The following MAGOHB variants were observed in gnomAD, a reference collection of about 807,000 sequenced individuals.
MAGOHB encodes protein mago nashi homolog 2.
In MAGOHB, 15 loss-of-function variants were observed where a neutral mutation model predicts 20.9. The observed-to-expected ratio is 0.72, with a 90% CI of 0.48 to 1.11. The LOEUF (loss-of-function observed/expected upper bound fraction) is 1.11. MAGOHB is among the 50% of genes least tolerant of loss of function. The pLI is 0.00. For synonymous variants in MAGOHB, 50 were observed against 57.9 expected, an observed-to-expected ratio of 0.86 and a Z score of 0.62; for missense variants, 162 against 177.6, an observed-to-expected ratio of 0.91 and a Z score of 0.50.
At position 10,613,445 on chromosome 12, in the gene MAGOHB, G is replaced by A. The variant is rs1385828630; in HGVS notation, c.88C>T (p.Pro30Ser). ...GCCGTGGGCCTCTTCTCACCGTCCG[G>A]CCGAAATTCGAACTCCAGAAACTCG... is the stretch of plus-strand genomic sequence containing the variant. ...GHEFLEFEFR[P>S]DGKLRYANNS... Residue 30 changes from proline to serine, a missense_variant, in exon 1 of 5, where the codon CCG becomes TCG. By Grantham distance (74) the Pro-to-Ser change is moderately conservative. Coordinates refer to ENST00000320756, the MANE Select transcript of MAGOHB (RefSeq NM_018048.5). The A allele has an allele frequency of 1.2e-5, 20 of 1,613,882 alleles. No homozygotes were observed. In the East Asian group the frequency reaches 4.5e-4, roughly 36 times the overall value.
chr12:10,609,278 A>G (rs1865682046), intron 3 of MAGOHB: 2 of 364,116 alleles, frequency 5.5e-6, no homozygotes, highest in Admixed American at 3.6e-5. Context: ...TGTTGAAGGA[A>G]TTTCTCCAAG....
chr12:10,603,054 T>A (rs990853302), downstream of MAGOHB, among the ~76,000 whole-genome samples: 19 of 152,198 alleles, frequency 1.2e-4, no homozygotes, highest in African/African-American at 4.6e-4. Flanking sequence ...TCCTGGCTCT[T>A]ATAGTAAAGA....
rs554963624 is a variant in MAGOHB, at chr12:10,606,031, A to G, written c.*244T>C. The stretch of plus-strand genomic sequence containing the variant: ...CTGCAACCAGGATTTGGTATGTTTT[A>G]TTAGAGCAAATTTTTAACAAAAGGT... On this transcript the variant is annotated 3_prime_UTR_variant, in exon 5 of 5. Transcript: ENST00000320756. 1 of 261,532 alleles carries G rather than the reference A, an allele frequency of 3.8e-6. No homozygotes were observed. Among genetic ancestry groups the G allele is most frequent in the South Asian group, 1.4e-4 (1 of 6,970 alleles). The allele number at this position is 261,532 out of a possible 1,614,324, so 16.2% of individuals were successfully genotyped here.
intron 1 of MAGOHB, among the ~76,000 whole-genome samples, chr12:10,611,454 T>C (rs1264870959): frequency 6.6e-6 from 1 of 152,040 alleles, no homozygotes; most frequent in Non-Finnish European, 1.5e-5. Context: ...TGACAGTCTT[T>C]GATGGCTTGG....
At chr12:10,601,651 T>C (rs1299533384), downstream of MAGOHB, among the ~76,000 whole-genome samples, 1 of 152,250 alleles carries the variant, frequency 6.6e-6, no homozygotes, top group Middle Eastern at 3.2e-3. Context: ...AGTGTCTAAC[T>C]ACAACCTGGC....
intron 2 of MAGOHB, 67 bp downstream of exon 2, chr12:10,610,555 C>T (rs1460755930): frequency 1.5e-6 from 2 of 1,348,384 alleles, no homozygotes; most frequent in Admixed American, 3.6e-5. Context: ...TCAACACAGA[C>T]TTGAAGAAAA....
At chr12:10,610,841 G>C (rs12811247) in intron 1 of MAGOHB, among the ~76,000 whole-genome samples, 161 bp from the exon 2 acceptor site, 1 of 151,910 alleles carries the variant, frequency 6.6e-6, no homozygotes, top group African/African-American at 2.4e-5. Flanking sequence ...GACAATAAAT[G>C]TTTGCTGGTT....
intron 1 of MAGOHB, among the ~76,000 whole-genome samples, chr12:10,611,534 G>T (rs1865736635): frequency 6.6e-6 from 1 of 151,710 alleles, no homozygotes; most frequent in African/African-American, 2.4e-5. Flanking sequence ...ATCACCTGAG[G>T]TCAGCAGTTA....
rs9988929 is a variant in MAGOHB, at chr12:10,605,929, A to G, written c.*346T>C. The G allele has an allele frequency of 0.45, 69,492 of 156,046 alleles. 16,473 individuals carry two copies. Among genetic ancestry groups the G allele is most frequent in the Non-Finnish European group, 0.54 (38,242 of 70,816 alleles). 9.7% of individuals were successfully genotyped at this position (156,046 alleles called of 1,614,324 possible). ...CCTAAAGTATCTTCTGTCACAGGAT[A>G]TATCTACCAGAACAATTTCTTATTA... On this transcript the variant is annotated 3_prime_UTR_variant, in exon 5 of 5. Coordinates refer to ENST00000320756, the MANE Select transcript of MAGOHB (RefSeq NM_018048.5).
chr12:10,601,301 AT>A (rs1865552853), downstream of MAGOHB, among the ~76,000 whole-genome samples: 1 of 151,066 alleles, frequency 6.6e-6, no homozygotes, highest in Non-Finnish European at 1.5e-5. Flanking sequence ...TTTCGTCCCC[AT>A]TTTACAAATG....
At chr12:10,600,037 A>G (rs907421132), downstream of MAGOHB, among the ~76,000 whole-genome samples, 17 of 152,188 alleles carry the variant, frequency 1.1e-4, no homozygotes, top group Middle Eastern at 3.4e-3. Context: ...ATGTTCTCCT[A>G]TATGTCATTA....
downstream of MAGOHB, among the ~76,000 whole-genome samples, chr12:10,603,313 CAAAAAAAA>C (rs11296285): frequency 4.0e-5 from 3 of 75,138 alleles, no homozygotes; most frequent in African/African-American, 9.3e-5. Flanking sequence ...GACTCCGTCT[CAAAAAAAA>C]AAAAAAAAAA....
chr12:10,602,114 G>C (rs1022417509), downstream of MAGOHB, among the ~76,000 whole-genome samples: 1 of 152,194 alleles, frequency 6.6e-6, no homozygotes, highest in Non-Finnish European at 1.5e-5. Flanking sequence ...CACATAGCTG[G>C]GGAGAAGGTG....
downstream of MAGOHB, among the ~76,000 whole-genome samples, chr12:10,601,341 C>T (rs895692120): frequency 2.6e-5 from 4 of 152,184 alleles, no homozygotes; most frequent in Non-Finnish European, 5.9e-5. Flanking sequence ...AGTTCATTGA[C>T]TTGCATAAGG....
Position 10,606,310 on chromosome 12 carries a change from GA to G in MAGOHB, c.411del (p.Ile139LeufsTer49). 1 of 1,571,014 alleles carries G rather than the reference GA, an allele frequency of 6.4e-7. No homozygotes were observed. The highest frequency in any genetic ancestry group is 8.7e-7 in the Non-Finnish European group (1 of 1,153,334). On this transcript the variant is annotated frameshift_variant, in exon 5 of 5. Transcript: ENST00000320756. LOFTEE classifies it high-confidence loss of function. The part of the protein sequence containing the change: ...LVQDLKCLVF[S>X]LIGLHFKIKP... Reference sequence around the variant, plus strand: ...TTAATCTTGAAGTGTAATCCAATAAGACTGAAAACTAAACATTTCAAGTCTT... The same window carrying G: ...TTAATCTTGAAGTGTAATCCAATAAGCTGAAAACTAAACATTTCAAGTCTT...
At chr12:10,610,870 G>C (rs1267550215) in intron 1 of MAGOHB, among the ~76,000 whole-genome samples, 190 bp from the exon 2 acceptor site, 2 of 152,122 alleles carry the variant, frequency 1.3e-5, no homozygotes, top group Non-Finnish European at 2.9e-5. Context: ...TGAAGTTGAA[G>C]CTAGCCAAAT....
At chr12:10,611,703 G>T (rs1291895948) in intron 1 of MAGOHB, among the ~76,000 whole-genome samples, 3 of 125,244 alleles carry the variant, frequency 2.4e-5, no homozygotes, top group Non-Finnish European at 4.7e-5. Context: ...AGCCGAGATC[G>T]CACCACTGCA....
intron 1 of MAGOHB, 30 bp downstream of exon 1, chr12:10,613,409 C>T: frequency 6.2e-7 from 1 of 1,604,598 alleles, no homozygotes; most frequent in East Asian, 2.2e-5. Flanking sequence ...TCCCCTTTCC[C>T]AGCACCGCGT....
In MAGOHB at chr12:10,613,553, C is replaced by A; in HGVS notation, c.-21G>T. The A allele has an allele frequency of 1.3e-6, 2 of 1,567,028 alleles. No homozygotes were observed. Among genetic ancestry groups the A allele is most frequent in the South Asian group, 1.1e-5 (1 of 90,136 alleles). ...GCCATTTTTGTACCCGGGAAGCCCG[C>A]CGAAAACGCAGCCAACGTGTCCCCC... is the stretch of plus-strand genomic sequence containing the variant. On this transcript the variant is annotated 5_prime_UTR_variant, in exon 1 of 5. Coordinates refer to ENST00000320756, the MANE Select transcript of MAGOHB (RefSeq NM_018048.5).
Sources: gnomAD v4.1 joint callset for allele counts (sites outside exome capture counted in the v4.1 genomes callset) on GRCh38, gnomAD v4.1.1 for gene constraint, MANE v1.5 for transcripts, NCBI Gene and HGNC (gene_info 2026-07-23, HGNC 2026-07-21) for gene names.